OR7C1: variants seen among roughly 807,000 people sequenced by gnomAD.
The protein encoded by OR7C1 is olfactory receptor 7C1.
For synonymous variants in OR7C1, 152 were observed against 160.7 expected, an observed-to-expected ratio of 0.95 and a Z score of 0.41; for missense variants, 324 against 383.3, an observed-to-expected ratio of 0.85 and a Z score of 1.29.
rs931362872 is a variant in OR7C1, at chr19:14,815,480, C to A, written c.-622-5487G>T. Among the ~76,000 whole-genome samples the A allele has an allele frequency of 2.6e-5, 4 of 152,172 alleles. No individual in the cohort carries two copies. In the East Asian group the frequency reaches 7.7e-4, roughly 29 times the overall value. On this transcript the variant is annotated intron_variant, in intron 1 of 4. Transcript: ENST00000641666. ...ATAAAGCTCTTAGCTCTTACCCCAA[C>A]CCCTCCTCCTTAGAAATGCCTGTCT...
chr19:14,826,146 A>G (rs1281046000), intron 1 of OR7C1: 1 of 152,238 alleles, frequency 6.6e-6, no homozygotes, highest in African/African-American at 2.4e-5. Flanking sequence ...TCCCAGAGAC[A>G]TAACGGGATA....
chr19:14,832,956 G>A (rs2044848627), intron 1 of OR7C1, among the ~76,000 whole-genome samples: 1 of 152,110 alleles, frequency 6.6e-6, no homozygotes, highest in Non-Finnish European at 1.5e-5. Context: ...GGCATACACT[G>A]TTCATAAAAA....
At chr19:14,824,096 A>G (rs146943042) in intron 1 of OR7C1, among the ~76,000 whole-genome samples, 8 of 152,338 alleles carry the variant, frequency 5.3e-5, no homozygotes, top group African/African-American at 1.9e-4. Flanking sequence ...AAGTGTATCC[A>G]TACATGGAGC....
At chr19:14,808,084 G>A (rs1408399189) in intron 2 of OR7C1, among the ~76,000 whole-genome samples, 1 of 138,724 alleles carries the variant, frequency 7.2e-6, no homozygotes, top group Non-Finnish European at 1.5e-5. Context: ...AGTCAGAATG[G>A]TTATTTTAAA....
At chr19:14,815,104 A>G (rs2044710135) in intron 1 of OR7C1, among the ~76,000 whole-genome samples, 1 of 152,166 alleles carries the variant, frequency 6.6e-6, no homozygotes, top group African/African-American at 2.4e-5. Flanking sequence ...TTGCAGCTCC[A>G]CCAGATACTA....
At chr19:14,802,218 C>A (rs1568247198) in intron 2 of OR7C1, among the ~76,000 whole-genome samples, 1 of 152,234 alleles carries the variant, frequency 6.6e-6, no homozygotes, top group East Asian at 1.9e-4. Flanking sequence ...TGGCAATGTT[C>A]TGTTTTAATA....
At chr19:14,825,445 C>A in intron 1 of OR7C1, 1 of 152,120 alleles carries the variant, frequency 6.6e-6, no homozygotes, top group African/African-American at 2.4e-5. Context: ...TTTAGGTGCT[C>A]TTTCCACCAA....
chr19:14,800,166 A>T lies in OR7C1; in HGVS notation c.-13-17T>A, dbSNP rs2081839720. On this transcript the variant is annotated splice_polypyrimidine_tract_variant and intron_variant, in intron 4 of 4. Transcript: ENST00000641666. ...ATAAAATAACTGCCACAAGAGAGAA[A>T]AAAGCAACAGTCAATTATCAACACA... The T allele has an allele frequency of 6.6e-7, 1 of 1,514,108 alleles. No individual in the cohort carries two copies. Among genetic ancestry groups the T allele is most frequent in the African/African-American group, 1.4e-5 (1 of 71,726 alleles). The allele number at this position is 1,514,108 out of a possible 1,614,324, so 93.8% of individuals were successfully genotyped here.
At chr19:14,823,813 T>C (rs935799132) in intron 1 of OR7C1, among the ~76,000 whole-genome samples, 20 of 152,196 alleles carry the variant, frequency 1.3e-4, no homozygotes, top group Admixed American at 3.9e-4. Context: ...TTGTATATGG[T>C]GTGAAATGAG....
chr19:14,823,989 T>C (rs539868624), intron 1 of OR7C1, among the ~76,000 whole-genome samples: 65 of 152,226 alleles, frequency 4.3e-4, no homozygotes, highest in African/African-American at 1.3e-3. Context: ...TTCTTTTCCA[T>C]TGGTCAATGT....
At chr19:14,831,344 T>C (rs928583693) in intron 1 of OR7C1, among the ~76,000 whole-genome samples, 6 of 152,228 alleles carry the variant, frequency 3.9e-5, no homozygotes, top group Non-Finnish European at 8.8e-5. Context: ...CTATTCCATA[T>C]TTACTTGATC....
At chr19:14,801,115 C>A (rs2044639784) in intron 2 of OR7C1, among the ~76,000 whole-genome samples, 1 of 152,168 alleles carries the variant, frequency 6.6e-6, no homozygotes, top group Non-Finnish European at 1.5e-5. Context: ...ATTTGAGTAG[C>A]AATGGTCTTG....
intron 1 of OR7C1, chr19:14,827,501 A>C (rs1490870237): frequency 5.0e-6 from 8 of 1,614,152 alleles, no homozygotes; most frequent in Non-Finnish European, 6.8e-6. Context: ...ATAAGGAGAC[A>C]ACTGAGAGGT....
intron 1 of OR7C1, among the ~76,000 whole-genome samples, chr19:14,815,367 C>T (rs578256175): frequency 2.6e-5 from 4 of 152,340 alleles, no homozygotes; most frequent in African/African-American, 9.6e-5. Flanking sequence ...GTGTTTGTTT[C>T]ATACACATGC....
intron 1 of OR7C1, among the ~76,000 whole-genome samples, chr19:14,833,825 GA>G (rs2044857652): frequency 7.6e-6 from 1 of 132,140 alleles, no homozygotes; most frequent in Non-Finnish European, 1.7e-5. Flanking sequence ...CCTGAGCGGG[GA>G]TGGAGTGGGG....
At chr19:14,817,316 CTG>C (rs1282463489) in intron 1 of OR7C1, among the ~76,000 whole-genome samples, 1 of 152,138 alleles carries the variant, frequency 6.6e-6, no homozygotes, top group Non-Finnish European at 1.5e-5. Context: ...TTCAACCAGT[CTG>C]TTGTTGATGG....
intron 2 of OR7C1, among the ~76,000 whole-genome samples, chr19:14,801,504 C>T (rs775457444): frequency 2.6e-5 from 4 of 152,040 alleles, no homozygotes; most frequent in South Asian, 2.1e-4. Flanking sequence ...ATAGGTACTG[C>T]GTATTAAATT....
At chr19:14,811,349 T>C (rs1299725579) in intron 1 of OR7C1, among the ~76,000 whole-genome samples, 3 of 151,892 alleles carry the variant, frequency 2.0e-5, no homozygotes, top group Non-Finnish European at 4.4e-5. Flanking sequence ...TTCCTGACCT[T>C]GCAGCTGCGT....
chr19:14,827,529 A>G (rs1402569483), intron 1 of OR7C1: 1 of 1,614,136 alleles, frequency 6.2e-7, no homozygotes, highest in East Asian at 2.2e-5. Context: ...ACAGGTGGAA[A>G]ATGCCTTGTA....
Sources: gnomAD v4.1 joint callset for allele counts (sites outside exome capture counted in the v4.1 genomes callset) on GRCh38, gnomAD v4.1.1 for gene constraint, MANE v1.5 for transcripts, NCBI Gene and HGNC (gene_info 2026-07-23, HGNC 2026-07-21) for gene names.